KCNJ6: variants seen among roughly 807,000 people sequenced by gnomAD.
KCNJ6 encodes the protein potassium inwardly rectifying channel subfamily J member 6, also known as G protein-activated inward rectifier potassium channel 2.
Under a neutral mutation model 34.2 loss-of-function variants are expected in KCNJ6, and 9 were observed. The ratio of observed to expected loss-of-function variants is 0.26; its 90% confidence interval spans 0.16 to 0.46. KCNJ6 has a LOEUF of 0.46. Ranked by LOEUF, KCNJ6 falls within the 20% of genes least tolerant of loss-of-function variation. The pLI is 1.00. For synonymous variants in KCNJ6, 196 were observed against 207.1 expected, an observed-to-expected ratio of 0.95 and a Z score of 0.46; for missense variants, 236 against 531.3, an observed-to-expected ratio of 0.44 and a Z score of 5.46.
intron 2 of KCNJ6, among the ~76,000 whole-genome samples, chr21:37,791,367 G>T (rs550092925): frequency 6.6e-6 from 1 of 152,350 alleles, no homozygotes; most frequent in South Asian, 2.1e-4. Context: ...TTCATCATCT[G>T]ACTATCCCCC....
intron 3 of KCNJ6, among the ~76,000 whole-genome samples, chr21:37,655,217 GTGTGTGTGAGAGA>G (rs2054454924): frequency 1.1e-5 from 1 of 93,336 alleles, no homozygotes; most frequent in African/African-American, 3.7e-5. Context: ...GTGTGTGTGT[GTGTGTGTGAGAGA>G]GAGAGAGAGA....
chr21:37,877,764 T>A (rs564706636), intron 1 of KCNJ6, among the ~76,000 whole-genome samples: 1 of 152,360 alleles, frequency 6.6e-6, no homozygotes, highest in East Asian at 1.9e-4. Flanking sequence ...CAGAGGCTGA[T>A]TTCCTGGGAC....
chr21:37,877,631 G>C (rs1480760675), intron 1 of KCNJ6, among the ~76,000 whole-genome samples: 1 of 151,820 alleles, frequency 6.6e-6, no homozygotes, highest in Non-Finnish European at 1.5e-5. Context: ...TGCAGGCTAA[G>C]TTGGCTCTTC....
intron 1 of KCNJ6, among the ~76,000 whole-genome samples, chr21:37,894,483 T>C (rs189279695): frequency 1.6e-3 from 241 of 152,138 alleles, no homozygotes; most frequent in African/African-American, 5.5e-3. Flanking sequence ...GCCAAGATAG[T>C]GAAACCCTGT....
chr21:37,714,814 C>A lies in KCNJ6; in HGVS notation c.343G>T (p.Ala115Ser), dbSNP rs762906480. The A allele has an allele frequency of 6.2e-7, 1 of 1,614,158 alleles. No homozygotes were observed. Among genetic ancestry groups the A allele is most frequent in the African/African-American group, 1.3e-5 (1 of 75,032 alleles). The change falls in exon 3 of 4, where the codon GCA becomes TCA. Residue 115 changes from alanine (A) to serine (S), a missense_variant. Coordinates refer to ENST00000609713, the MANE Select transcript of KCNJ6 (RefSeq NM_002240.5). The surrounding 1 kb of genome is among the most constrained non-coding windows in gnomAD (Gnocchi z 5.9). ...TGGTCCATGTCTCCCCGTATGTATGCGATCAACCACCAGATCATTCCAAAA... is the reference window on the plus strand; with the variant it reads ...TGGTCCATGTCTCCCCGTATGTATGAGATCAACCACCAGATCATTCCAAAA... ...LFFGMIWWLI[A>S]YIRGDMDHIE...
At chr21:37,643,451 G>T (rs926084176) in intron 3 of KCNJ6, among the ~76,000 whole-genome samples, 6 of 152,188 alleles carry the variant, frequency 3.9e-5, no homozygotes, top group African/African-American at 1.4e-4. Context: ...AAACTCACTG[G>T]TCTGGCCCTG....
chr21:37,813,926 T>C (rs1436729316), intron 2 of KCNJ6, among the ~76,000 whole-genome samples: 1 of 151,726 alleles, frequency 6.6e-6, no homozygotes, highest in Non-Finnish European at 1.5e-5. Context: ...GTTAAAAAGC[T>C]TTTGCACAAT....
intron 2 of KCNJ6, among the ~76,000 whole-genome samples, chr21:37,740,157 C>T (rs1030470195): frequency 6.6e-5 from 10 of 152,182 alleles, no homozygotes; most frequent in Non-Finnish European, 1.2e-4. Flanking sequence ...AAAATTTGAA[C>T]GCCCCCCAAC....
intron 3 of KCNJ6, among the ~76,000 whole-genome samples, chr21:37,696,817 A>G (rs1281783762): frequency 6.6e-6 from 1 of 152,250 alleles, no homozygotes; most frequent in Non-Finnish European, 1.5e-5. Flanking sequence ...ACATGTATAC[A>G]TGCATTCACA....
At chr21:37,799,943 T>A (rs983026960) in intron 2 of KCNJ6, among the ~76,000 whole-genome samples, 1 of 152,190 alleles carries the variant, frequency 6.6e-6, no homozygotes, top group Non-Finnish European at 1.5e-5. Flanking sequence ...CAAAAAACTA[T>A]GAAAATGTGT....
intron 2 of KCNJ6, among the ~76,000 whole-genome samples, chr21:37,787,241 G>A (rs924447089): frequency 6.6e-6 from 1 of 152,196 alleles, no homozygotes; most frequent in Non-Finnish European, 1.5e-5. Context: ...GACTAGAGCT[G>A]TATAAAAACT....
At chr21:37,658,164 C>T (rs1996231) in intron 3 of KCNJ6, among the ~76,000 whole-genome samples, 23,578 of 152,164 alleles carry the variant, frequency 0.15, 2,946 homozygotes, top group African/African-American at 0.34. Context: ...ACAGTGGTCA[C>T]GACTCAGACA....
intron 2 of KCNJ6, among the ~76,000 whole-genome samples, chr21:37,748,289 C>T (rs1258034608): frequency 6.6e-6 from 1 of 152,158 alleles, no homozygotes; most frequent in African/African-American, 2.4e-5. Context: ...AGATTCACAG[C>T]TGCTCTGCTC....
At position 37,610,369 on chromosome 21, in the gene KCNJ6, T is replaced by A. The variant is rs1186728052; in HGVS notation, c.*14790A>T. ...CTTAACACATTTAAAAGAATAGAAA[T>A]TCTCAGATCACTTGGGATCAGGAGT... On this transcript the variant is annotated 3_prime_UTR_variant, in exon 4 of 4. Transcript: ENST00000609713. The A allele has an allele frequency of 6.6e-6, 1 of 151,946 alleles. No individual in the cohort carries two copies. The highest frequency in any genetic ancestry group is 2.4e-5 in the African/African-American group (1 of 41,370). 9.4% of individuals were successfully genotyped at this position (151,946 alleles called of 1,614,324 possible).
intron 2 of KCNJ6, among the ~76,000 whole-genome samples, chr21:37,811,602 T>C (rs1003717990): frequency 6.6e-6 from 1 of 152,136 alleles, no homozygotes; most frequent in Admixed American, 6.5e-5. Context: ...AGAATGGAGA[T>C]AAACAGTGCT....
chr21:37,749,755 G>A (rs189284745), intron 2 of KCNJ6, among the ~76,000 whole-genome samples: 17 of 152,294 alleles, frequency 1.1e-4, no homozygotes, highest in Non-Finnish European at 4.4e-5. Context: ...GTTGAAAAAC[G>A]GTCTCAGGAA....
chr21:37,728,102 C>T (rs964869633), intron 2 of KCNJ6, among the ~76,000 whole-genome samples: 3 of 152,236 alleles, frequency 2.0e-5, no homozygotes, highest in Admixed American at 1.3e-4. Flanking sequence ...TCTATCCATA[C>T]AGTGGAGTAT....
At chr21:37,709,367 C>T (rs767984857) in intron 3 of KCNJ6, among the ~76,000 whole-genome samples, 18 of 151,758 alleles carry the variant, frequency 1.2e-4, no homozygotes, top group East Asian at 1.9e-4. Context: ...CAAAATTAGC[C>T]GGGCGCGGTG....
At chr21:37,792,886 A>C in intron 2 of KCNJ6, among the ~76,000 whole-genome samples, 1 of 152,152 alleles carries the variant, frequency 6.6e-6, no homozygotes, top group Non-Finnish European at 1.5e-5. Context: ...GGTTCCTGGA[A>C]GTTCTGCTAC....
Sources: gnomAD v4.1 joint callset for allele counts (sites outside exome capture counted in the v4.1 genomes callset) on GRCh38, gnomAD v4.1.1 for gene constraint, Gnocchi (gnomAD v3.1) non-coding constraint, MANE v1.5 for transcripts, NCBI Gene and HGNC (gene_info 2026-07-23, HGNC 2026-07-21) for gene names.